The following KANSL1 variants were observed in gnomAD, a reference collection of about 807,000 sequenced individuals.
KANSL1 encodes the protein KAT8 regulatory NSL complex subunit 1.
KANSL1 carries 22 observed loss-of-function variants against 103.6 expected under a neutral mutation model. That is an observed-to-expected ratio of 0.21 (90% CI 0.15 to 0.30). The LOEUF (loss-of-function observed/expected upper bound fraction) is 0.30. Ranked by LOEUF, KANSL1 falls within the 10% of genes least tolerant of loss-of-function variation. The pLI, the probability that KANSL1 is intolerant of heterozygous loss-of-function variation, is 1.00. For synonymous variants in KANSL1, 600 were observed against 527.6 expected (o/e 1.14, Z -1.88); for missense variants, 1,337 against 1,399.8 (o/e 0.96, Z 0.72).
At chr17:46,225,108 G>A (rs1355350730), upstream of KANSL1, among the ~76,000 whole-genome samples, 1 of 151,788 alleles carries the variant, frequency 6.6e-6, no homozygotes, top group Non-Finnish European at 1.5e-5. Flanking sequence ...GGCGCTGGGC[G>A]GGGGTCCCCG....
intron 3 of KANSL1, among the ~76,000 whole-genome samples, chr17:46,085,052 G>A (rs539716217): frequency 4.3e-4 from 65 of 151,922 alleles, no homozygotes; most frequent in African/African-American, 1.5e-3. Flanking sequence ...TCCCATAACC[G>A]GTTCCTAAGA....
chr17:46,126,432 C>T (rs1453062091), intron 2 of KANSL1, among the ~76,000 whole-genome samples: 1 of 149,308 alleles, frequency 6.7e-6, no homozygotes, highest in Non-Finnish European at 1.5e-5. Flanking sequence ...ACAAGAGTAA[C>T]TACGTCTCAA....
intron 3 of KANSL1, among the ~76,000 whole-genome samples, chr17:46,089,267 T>C (rs1309391906): frequency 6.6e-6 from 1 of 152,160 alleles, no homozygotes. Flanking sequence ...AGTTATATTC[T>C]TTCTCCAGAG....
intron 2 of KANSL1, among the ~76,000 whole-genome samples, chr17:46,119,159 CATT>C (rs1309055923): frequency 1.3e-5 from 2 of 152,184 alleles, no homozygotes; most frequent in Admixed American, 6.5e-5. Context: ...ATCATTTCAT[CATT>C]ATAACAACTC....
intron 6 of KANSL1, among the ~76,000 whole-genome samples, chr17:46,060,708 T>C (rs942874870): frequency 5.3e-5 from 8 of 152,194 alleles, no homozygotes; most frequent in African/African-American, 1.7e-4. Flanking sequence ...CATGGTGTCA[T>C]GAAACTGGAT....
At chr17:46,195,687 G>A (rs1032904487), upstream of KANSL1, among the ~76,000 whole-genome samples, 5 of 152,134 alleles carry the variant, frequency 3.3e-5, no homozygotes, top group African/African-American at 9.7e-5. Context: ...TGAGTAGCTG[G>A]CACTACAGGC....
intron 4 of KANSL1, among the ~76,000 whole-genome samples, chr17:46,080,893 T>C (rs752320819): frequency 3.3e-5 from 5 of 152,184 alleles, no homozygotes; most frequent in Non-Finnish European, 7.3e-5. Context: ...AAGCATTCTA[T>C]TGCACAATGT....
At chr17:46,109,721 T>C (rs2042722769) in intron 2 of KANSL1, among the ~76,000 whole-genome samples, 1 of 152,230 alleles carries the variant, frequency 6.6e-6, no homozygotes, top group African/African-American at 2.4e-5. Flanking sequence ...TAGCATTCCA[T>C]TATAAGTGCT....
intron 2 of KANSL1, chr17:46,169,538 TAC>T (rs1333919538): frequency 6.6e-6 from 1 of 152,258 alleles, no homozygotes; most frequent in Non-Finnish European, 1.5e-5. Flanking sequence ...CACCTTTTAA[TAC>T]AGTCAAGGAA....
intron 2 of KANSL1, among the ~76,000 whole-genome samples, chr17:46,169,193 G>T (rs952643637): frequency 7.2e-5 from 11 of 152,132 alleles, no homozygotes; most frequent in Admixed American, 2.0e-4. Flanking sequence ...AAGTTAGTGG[G>T]GATAATGCCA....
In KANSL1 at chr17:46,119,286, C is replaced by T. The variant is rs138002082; in HGVS notation, c.1290-24585G>A. 4.7e-4 allele frequency among the ~76,000 whole-genome samples: 71 copies of T among 151,434 alleles called. 1 individual carries two copies. Among genetic ancestry groups the T allele is most frequent in the Middle Eastern group, 3.4e-3 (1 of 290 alleles). On this transcript the variant is annotated intron_variant, in intron 2 of 14. Coordinates refer to ENST00000432791, the MANE Select transcript of KANSL1 (RefSeq NM_015443.4). ...CACAGGTAAAATCTACATCTGTATA[C>T]GGGTAATCTGGCTCCAGAGTCCTCA...
chr17:46,188,790 G>A (rs972259840), intron 1 of KANSL1, among the ~76,000 whole-genome samples: 1 of 152,064 alleles, frequency 6.6e-6, no homozygotes, highest in Non-Finnish European at 1.5e-5. Flanking sequence ...TAGCACTTTG[G>A]GAGGCTGAGG....
chr17:46,172,131 C>T lies in KANSL1; in HGVS notation c.13G>A (p.Ala5Thr). 6.2e-7 allele frequency: 1 copy of T among 1,604,440 alleles called. No individual in the cohort carries two copies. The highest frequency in any genetic ancestry group is 8.5e-7 in the Non-Finnish European group (1 of 1,179,946). The change falls in exon 2 of 15, where the codon GCG becomes ACG. Residue 5 changes from alanine (A) to threonine (T), a missense_variant. Physicochemically the swap from Ala to Thr is moderately conservative, Grantham distance 58 (BLOSUM62 0). Around this residue, in one of 2 missense-constraint regions of KANSL1, gnomAD observed 557 missense variants for 476.4 expected, o/e 1.17. Coordinates refer to ENST00000432791, the MANE Select transcript of KANSL1 (RefSeq NM_015443.4). MAAM[A>T]PALTDAAAEA... ...GCTGCTGCGTCAGTGAGAGCGGGCG[C>T]CATCGCAGCCATTCAGCACAGAGAG... is the stretch of plus-strand genomic sequence containing the variant.
intron 1 of KANSL1, among the ~76,000 whole-genome samples, chr17:46,189,211 AC>A (rs1288078832): frequency 6.6e-6 from 1 of 151,958 alleles, no homozygotes; most frequent in Non-Finnish European, 1.5e-5. Flanking sequence ...TCACAGCGAG[AC>A]CCCGAGACCT....
chr17:46,130,322 C>T (rs1157548083), intron 2 of KANSL1, among the ~76,000 whole-genome samples: 6 of 152,042 alleles, frequency 3.9e-5, no homozygotes, highest in Non-Finnish European at 7.4e-5. Flanking sequence ...GTGTTTCCCA[C>T]GTGATCTGAA....
intron 2 of KANSL1, among the ~76,000 whole-genome samples, chr17:46,129,654 T>G (rs1438358938): frequency 4.6e-5 from 7 of 152,236 alleles, no homozygotes; most frequent in Non-Finnish European, 1.5e-5. Flanking sequence ...AAGCAAAGTC[T>G]GTTAAAGGGA....
At chr17:46,148,075 G>A (rs2044832840) in intron 2 of KANSL1, 1 of 152,132 alleles carries the variant, frequency 6.6e-6, no homozygotes, top group Non-Finnish European at 1.5e-5. Context: ...TAAAGGCGAT[G>A]GTTTATAAAA....
At chr17:46,197,785 T>G (rs1277430005), upstream of KANSL1, among the ~76,000 whole-genome samples, 1 of 152,332 alleles carries the variant, frequency 6.6e-6, no homozygotes, top group Non-Finnish European at 1.5e-5. Flanking sequence ...GAACTGTGGT[T>G]GTTCTAATTT....
chr17:46,202,040 G>A (rs1283980264), intron 1 of KANSL1, among the ~76,000 whole-genome samples: 2 of 152,168 alleles, frequency 1.3e-5, no homozygotes, highest in South Asian at 2.1e-4. Context: ...GCTTGGCACC[G>A]TGCATCTGTA....
Sources: allele counts gnomAD v4.1 joint callset (sites outside exome capture counted in the v4.1 genomes callset), GRCh38; gene constraint gnomAD v4.1.1; regional missense constraint gnomAD v4.1.1; transcripts MANE v1.5; gene names NCBI Gene and HGNC (gene_info 2026-07-23, HGNC 2026-07-21).